The following SDK2 variants were observed in gnomAD, a reference collection of about 807,000 sequenced individuals.
SDK2 encodes sidekick cell adhesion molecule 2.
SDK2 carries 105 observed loss-of-function variants against 253.9 expected under a neutral mutation model. The observed-to-expected ratio is 0.41, with a 90% CI of 0.35 to 0.49. SDK2 has a LOEUF of 0.49. SDK2 is among the 20% of genes least tolerant of loss of function. The pLI, the probability that SDK2 is intolerant of heterozygous loss-of-function variation, is 0.06. For missense variants in SDK2, 2,608 were observed against 3,003.0 expected (o/e 0.87, Z 3.07); for synonymous variants, 1,249 against 1,234.9 (o/e 1.01, Z -0.24).
chr17:73,422,676 G>A (rs1191328473), intron 14 of SDK2, among the ~76,000 whole-genome samples: 1 of 152,024 alleles, frequency 6.6e-6, no homozygotes, highest in African/African-American at 2.4e-5. Flanking sequence ...AGATGCATTT[G>A]TCTCCCCCAC....
intron 1 of SDK2, among the ~76,000 whole-genome samples, chr17:73,551,266 C>T (rs933204044): frequency 1.1e-4 from 17 of 152,160 alleles, no homozygotes; most frequent in African/African-American, 3.9e-4. Flanking sequence ...AATGCCCACA[C>T]GCTCCCACCC....
chr17:73,439,352 G>A (rs932418726), intron 6 of SDK2, among the ~76,000 whole-genome samples: 9 of 152,112 alleles, frequency 5.9e-5, no homozygotes, highest in Non-Finnish European at 1.2e-4. Flanking sequence ...AATGCAAATG[G>A]GCTAATACGC....
intron 1 of SDK2, among the ~76,000 whole-genome samples, chr17:73,583,169 A>C (rs750053954): frequency 7.9e-5 from 12 of 152,238 alleles, no homozygotes; most frequent in Non-Finnish European, 1.3e-4. Flanking sequence ...TTATGGGACC[A>C]ATCACTGTAG....
chr17:73,442,406 A>G (rs2063423045), intron 5 of SDK2, among the ~76,000 whole-genome samples: 1 of 151,678 alleles, frequency 6.6e-6, no homozygotes, highest in South Asian at 2.1e-4. Flanking sequence ...CAGTGGCACG[A>G]TCTCGGCTCA....
At chr17:73,370,794 C>T (rs2062728443) in intron 36 of SDK2, among the ~76,000 whole-genome samples, 1 of 151,968 alleles carries the variant, frequency 6.6e-6, no homozygotes, top group East Asian at 1.9e-4. Context: ...CCGGGTGCAG[C>T]GGCTCACACC....
At chr17:73,430,737 T>A in intron 11 of SDK2, 124 bp from the exon 12 acceptor site, 2 of 617,158 alleles carry the variant, frequency 3.2e-6, no homozygotes, top group Non-Finnish European at 5.1e-6. Context: ...CCTGGTACTT[T>A]AATTCTTGGA....
chr17:73,407,886 C>A (rs1050030059), intron 18 of SDK2, among the ~76,000 whole-genome samples: 3 of 152,030 alleles, frequency 2.0e-5, no homozygotes, highest in Non-Finnish European at 4.4e-5. Flanking sequence ...GCTACTAAGT[C>A]AAGAAGAAAT....
At chr17:73,446,711 A>G (rs929465753) in intron 5 of SDK2, among the ~76,000 whole-genome samples, 26 of 152,176 alleles carry the variant, frequency 1.7e-4, no homozygotes, top group Non-Finnish European at 3.7e-4. Flanking sequence ...CAGGAGTTGT[A>G]CAGATGTGGA....
chr17:73,493,874 C>T (rs2063824061), intron 2 of SDK2, among the ~76,000 whole-genome samples: 2 of 152,164 alleles, frequency 1.3e-5, no homozygotes, highest in East Asian at 1.9e-4. Flanking sequence ...CAGAGAGCTC[C>T]ACAGTTTCAT....
intron 18 of SDK2, among the ~76,000 whole-genome samples, chr17:73,408,660 CTG>C (rs572566022): frequency 7.0e-4 from 107 of 152,252 alleles, no homozygotes; most frequent in African/African-American, 2.4e-3. Flanking sequence ...GAAATCCAGA[CTG>C]TGGAAAATTC....
intron 1 of SDK2, among the ~76,000 whole-genome samples, chr17:73,606,494 C>T (rs9906337): frequency 0.1 from 15,673 of 152,006 alleles, 865 homozygotes; most frequent in Middle Eastern, 0.14. Context: ...TGGTATGGGC[C>T]GGGTCCTCTC....
intron 1 of SDK2, among the ~76,000 whole-genome samples, chr17:73,516,434 G>A (rs2064028282): frequency 6.6e-6 from 1 of 152,204 alleles, no homozygotes; most frequent in South Asian, 2.1e-4. Flanking sequence ...AGGGCCTGGG[G>A]CTCCTGGCGA....
At chr17:73,382,044 G>A (rs1430268544) in intron 33 of SDK2, among the ~76,000 whole-genome samples, 7 of 152,038 alleles carry the variant, frequency 4.6e-5, no homozygotes, top group Non-Finnish European at 7.4e-5. Context: ...GTGAAACCCC[G>A]TTTCTACTAA....
chr17:73,643,944 G>A lies in SDK2; in HGVS notation c.64+81C>T, dbSNP rs1309921786. The A allele has an allele frequency of 8.0e-7, 1 of 1,256,976 alleles. No homozygotes were observed. Among genetic ancestry groups the A allele is most frequent in the Non-Finnish European group, 1.1e-6 (1 of 886,576 alleles). 77.9% of individuals were successfully genotyped at this position (1,256,976 alleles called of 1,614,324 possible). A position where few individuals can be genotyped will look rare whatever the true frequency, so the allele number is the denominator to read the frequency against. Reference sequence around the variant, plus strand: ...AGCCGGGTGTCCAGGAGGTCACCGTGAGGCCGGCCAGCTCCCGCCGCCCCT... The same window carrying A: ...AGCCGGGTGTCCAGGAGGTCACCGTAAGGCCGGCCAGCTCCCGCCGCCCCT... On this transcript the variant is annotated intron_variant, in intron 1 of 44. Coordinates refer to ENST00000392650, the MANE Select transcript of SDK2 (RefSeq NM_001144952.2). The surrounding 1 kb of genome is among the most constrained non-coding windows in gnomAD (Gnocchi z 6.9).
intron 3 of SDK2, among the ~76,000 whole-genome samples, chr17:73,469,242 T>G (rs1367520386): frequency 6.6e-6 from 1 of 152,216 alleles, no homozygotes. Flanking sequence ...AGCAACTCCC[T>G]GGATCTCAGA....
chr17:73,449,414 A>G (rs1413762111), intron 4 of SDK2, among the ~76,000 whole-genome samples: 1 of 152,052 alleles, frequency 6.6e-6, no homozygotes, highest in Admixed American at 6.6e-5. Flanking sequence ...GCTCTCAAAT[A>G]AACATCCCCA....
At chr17:73,463,723 T>C (rs533334079) in intron 3 of SDK2, among the ~76,000 whole-genome samples, 45 of 152,344 alleles carry the variant, frequency 3.0e-4, no homozygotes, top group Non-Finnish European at 5.0e-4. Flanking sequence ...CAACATTTTT[T>C]TGGGGGGGCT....
At chr17:73,640,314 C>T (rs898915593) in intron 1 of SDK2, among the ~76,000 whole-genome samples, 4 of 150,542 alleles carry the variant, frequency 2.7e-5, no homozygotes, top group Non-Finnish European at 4.4e-5. Context: ...AGGCTGCCAG[C>T]GGGATGTAGC....
At chr17:73,476,145 GCAAA>G (rs1246043799) in intron 2 of SDK2, among the ~76,000 whole-genome samples, 4 of 152,110 alleles carry the variant, frequency 2.6e-5, no homozygotes, top group African/African-American at 4.8e-5. Flanking sequence ...TTGCAAAAAT[GCAAA>G]CAAACAAAAA....
Sources: allele counts gnomAD v4.1 joint callset (sites outside exome capture counted in the v4.1 genomes callset), GRCh38; gene constraint gnomAD v4.1.1; non-coding constraint Gnocchi (gnomAD v3.1); transcripts MANE v1.5; gene names NCBI Gene and HGNC (gene_info 2026-07-23, HGNC 2026-07-21).